The following MSRA variants were observed in gnomAD, a reference collection of about 807,000 sequenced individuals.
MSRA encodes methionine sulfoxide reductase A.
In MSRA, 54 loss-of-function variants were observed where a neutral mutation model predicts 31.3. That is an observed-to-expected ratio of 1.73 (90% CI 1.39 to 2.17). The LOEUF (loss-of-function observed/expected upper bound fraction) is 2.17. Ranked by LOEUF, MSRA falls within the 30% of genes most tolerant of loss-of-function variation. The pLI is 0.00. For missense variants in MSRA, 507 were observed against 300.9 expected (o/e 1.69, Z -5.07); for synonymous variants, 169 against 116.5 (o/e 1.45, Z -2.90).
chr8:10,403,791 G>A (rs982284284), intron 5 of MSRA, among the ~76,000 whole-genome samples: 9 of 152,226 alleles, frequency 5.9e-5, no homozygotes, highest in East Asian at 1.9e-4. Context: ...CGGGCGGGAC[G>A]TGAGTCCTGG....
intron 5 of MSRA, among the ~76,000 whole-genome samples, chr8:10,378,701 C>A (rs553268179): frequency 6.6e-6 from 1 of 152,336 alleles, no homozygotes; most frequent in South Asian, 2.1e-4. Flanking sequence ...ATTGGCACCA[C>A]CTGGGAACTT....
intron 5 of MSRA, among the ~76,000 whole-genome samples, chr8:10,406,778 G>A (rs1483576660): frequency 6.6e-6 from 1 of 152,214 alleles, no homozygotes; most frequent in Non-Finnish European, 1.5e-5. Context: ...AAGTCATGTT[G>A]TTTGGCCCAC....
chr8:10,291,363 G>A (rs1800225430), intron 3 of MSRA, among the ~76,000 whole-genome samples: 1 of 151,848 alleles, frequency 6.6e-6, no homozygotes, highest in African/African-American at 2.4e-5. Flanking sequence ...TCAATAGGAT[G>A]CTTTTTAAAG....
intron 5 of MSRA, among the ~76,000 whole-genome samples, chr8:10,381,858 C>A (rs62490350): frequency 0.11 from 17,253 of 152,162 alleles, 1,183 homozygotes; most frequent in East Asian, 0.27. Flanking sequence ...GGAAAAATCA[C>A]CCTGGGTGAT....
intron 1 of MSRA, among the ~76,000 whole-genome samples, chr8:10,074,430 C>T (rs536976998): frequency 1.3e-5 from 2 of 152,038 alleles, no homozygotes; most frequent in Non-Finnish European, 2.9e-5. Context: ...TTGTTGCTTT[C>T]ACTGAAAAGA....
At chr8:10,272,244 G>T (rs773707816) in intron 3 of MSRA, among the ~76,000 whole-genome samples, 7 of 152,150 alleles carry the variant, frequency 4.6e-5, no homozygotes, top group East Asian at 1.9e-4. Context: ...CGATCTAGAG[G>T]TTAATGTATT....
intron 5 of MSRA, among the ~76,000 whole-genome samples, chr8:10,334,556 G>A (rs959909306): frequency 6.6e-5 from 10 of 152,226 alleles, no homozygotes; most frequent in Admixed American, 5.9e-4. Flanking sequence ...GTCGCAGCCC[G>A]CGTGGTCCCG....
intron 2 of MSRA, among the ~76,000 whole-genome samples, chr8:10,237,246 G>A (rs192584854): frequency 1.1e-4 from 16 of 152,328 alleles, no homozygotes; most frequent in Admixed American, 7.8e-4. Context: ...GGGGTGGAGC[G>A]CAAAGCTCCA....
chr8:10,292,540 G>C (rs1800297518), intron 3 of MSRA, among the ~76,000 whole-genome samples: 1 of 152,222 alleles, frequency 6.6e-6, no homozygotes, highest in Non-Finnish European at 1.5e-5. Context: ...TCCACCGTCG[G>C]TCCTCTTCAC....
intron 5 of MSRA, among the ~76,000 whole-genome samples, chr8:10,335,409 G>C (rs190804176): frequency 1.8e-4 from 28 of 152,196 alleles, no homozygotes; most frequent in African/African-American, 6.7e-4. Context: ...CGCGAGGACA[G>C]CACTCCATTG....
At chr8:10,203,641 A>T (rs1410795200) in intron 1 of MSRA, among the ~76,000 whole-genome samples, 1 of 152,256 alleles carries the variant, frequency 6.6e-6, no homozygotes, top group Non-Finnish European at 1.5e-5. Flanking sequence ...TATAGTACAT[A>T]ATAGTTGATA....
intron 3 of MSRA, among the ~76,000 whole-genome samples, chr8:10,283,802 C>CATATATATATATATATATAT (rs375322603): frequency 2.2e-5 from 1 of 46,152 alleles, no homozygotes; most frequent in Non-Finnish European, 3.5e-5. Context: ...TATTCTATCT[C>CATATATATATATATATATAT]ATATATATAT....
chr8:10,418,434 C>G (rs1029111994), intron 5 of MSRA, among the ~76,000 whole-genome samples: 1 of 152,094 alleles, frequency 6.6e-6, no homozygotes, highest in African/African-American at 2.4e-5. Context: ...CTGTGCCTGG[C>G]GACTGCTGGG....
At chr8:10,115,291 A>G (rs1800595113) in intron 1 of MSRA, among the ~76,000 whole-genome samples, 1 of 152,220 alleles carries the variant, frequency 6.6e-6, no homozygotes, top group African/African-American at 2.4e-5. Flanking sequence ...ATGGTGTTAG[A>G]TTTTGTGGAA....
intron 5 of MSRA, among the ~76,000 whole-genome samples, chr8:10,394,528 A>G (rs1221762242): frequency 1.3e-5 from 2 of 152,246 alleles, no homozygotes; most frequent in Non-Finnish European, 2.9e-5. Flanking sequence ...TCTCTATATC[A>G]TCTCACTTGA....
chr8:10,401,769 C>G (rs954083603), intron 5 of MSRA, among the ~76,000 whole-genome samples: 1 of 152,256 alleles, frequency 6.6e-6, no homozygotes, highest in South Asian at 2.1e-4. Context: ...ATGGGCGAAC[C>G]TTGAGGACAT....
chr8:10,265,258 G>A (rs531839316), intron 3 of MSRA, among the ~76,000 whole-genome samples: 1 of 152,286 alleles, frequency 6.6e-6, no homozygotes, highest in Admixed American at 6.5e-5. Context: ...GGGAGGCAGA[G>A]GACACAGTCC....
At chr8:10,195,014 C>T (rs1030584682) in intron 1 of MSRA, among the ~76,000 whole-genome samples, 5 of 152,178 alleles carry the variant, frequency 3.3e-5, no homozygotes, top group African/African-American at 1.2e-4. Flanking sequence ...TTTGATTTTT[C>T]CCTCAATTAA....
intron 3 of MSRA, among the ~76,000 whole-genome samples, chr8:10,289,544 T>C (rs1333613288): frequency 1.3e-5 from 2 of 152,214 alleles, no homozygotes; most frequent in African/African-American, 4.8e-5. Flanking sequence ...TTAGTTATTT[T>C]GAAATGTACA....
Sources: allele counts gnomAD v4.1 joint callset (sites outside exome capture counted in the v4.1 genomes callset), GRCh38; gene constraint gnomAD v4.1.1; transcripts MANE v1.5; gene names NCBI Gene and HGNC (gene_info 2026-07-23, HGNC 2026-07-21).